The following COL4A2 variants were observed in gnomAD, a reference collection of about 807,000 sequenced individuals.
COL4A2 encodes the protein collagen alpha-2(IV) chain.
A neutral mutation model predicts 200.2 loss-of-function variants in COL4A2; 99 were observed. The observed-to-expected ratio is 0.49, with a 90% CI of 0.42 to 0.58. COL4A2 has a LOEUF of 0.58. COL4A2 is among the 20% of genes least tolerant of loss of function. The pLI is 0.00. For synonymous variants in COL4A2, 897 were observed against 900.6 expected, an observed-to-expected ratio of 1.00 and a Z score of 0.07; for missense variants, 1,950 against 2,314.1, an observed-to-expected ratio of 0.84 and a Z score of 3.23.
At chr13:110,409,383 G>A (rs939867604) in intron 4 of COL4A2, among the ~76,000 whole-genome samples, 2 of 152,168 alleles carry the variant, frequency 1.3e-5, no homozygotes, top group African/African-American at 4.8e-5. Flanking sequence ...GACCCACCCC[G>A]GGTCTCTAGT....
Position 110,450,474 on chromosome 13 carries a change from A to AG in COL4A2, c.1339+23dup, listed in dbSNP as rs1881497817. On this transcript the variant is annotated intron_variant, in intron 20 of 47. Coordinates refer to ENST00000360467, the MANE Select transcript of COL4A2 (RefSeq NM_001846.4). ...CTGATGGTGAGTGGAGGGAAACAAAAGGGAGGGTGTAGCCTAATGTTCAGA... is the reference window on the plus strand; with the variant it reads ...CTGATGGTGAGTGGAGGGAAACAAAAGGGGAGGGTGTAGCCTAATGTTCAGA... 2 of 1,612,974 alleles carry AG rather than the reference A, an allele frequency of 1.2e-6. No homozygotes were observed. Among genetic ancestry groups the AG allele is most frequent in the Non-Finnish European group, 1.7e-6 (2 of 1,179,692 alleles).
chr13:110,393,647 G>A (rs1879076114), intron 4 of COL4A2, among the ~76,000 whole-genome samples: 1 of 151,288 alleles, frequency 6.6e-6, no homozygotes, highest in African/African-American at 2.4e-5. Flanking sequence ...TGGAGGCCAA[G>A]GTGGATGGAT....
chr13:110,374,813 A>G (rs1451617944), intron 4 of COL4A2, among the ~76,000 whole-genome samples: 1 of 152,120 alleles, frequency 6.6e-6, no homozygotes, highest in Non-Finnish European at 1.5e-5. Flanking sequence ...ATACTTCTGT[A>G]GTTTCATTAA....
At chr13:110,333,887 A>G (rs1016765505) in intron 3 of COL4A2, among the ~76,000 whole-genome samples, 3 of 152,224 alleles carry the variant, frequency 2.0e-5, no homozygotes, top group Non-Finnish European at 2.9e-5. Context: ...AATGACCTCA[A>G]GTGACCTTTA....
chr13:110,307,593 G>A lies in COL4A2; in HGVS notation c.-45+65G>A, dbSNP rs1483216903. On this transcript the variant is annotated intron_variant, in intron 1 of 47. Transcript: ENST00000360467. This position sits in a 1 kb window ranked among gnomAD's most constrained non-coding sequence, Gnocchi z 5.0. ...AGAGCACCGACTTGGAGCGCCTTGT[G>A]CAGGCTAGGGCTGCACGCTCTCCTG... 1 of 405,164 alleles carries A rather than the reference G, an allele frequency of 2.5e-6. No homozygotes were observed. The highest frequency in any genetic ancestry group is 2.1e-5 in the African/African-American group (1 of 48,670). The allele number at this position is 405,164 out of a possible 1,614,324, so 25.1% of individuals were successfully genotyped here. A position where few individuals can be genotyped will look rare whatever the true frequency, so the allele number is the denominator to read the frequency against.
intron 3 of COL4A2, among the ~76,000 whole-genome samples, chr13:110,309,486 G>A (rs1047523656): frequency 1.3e-5 from 2 of 152,220 alleles, no homozygotes; most frequent in African/African-American, 4.8e-5. Flanking sequence ...GCGCACGCAC[G>A]CACACTCAAA....
intron 46 of COL4A2, among the ~76,000 whole-genome samples, chr13:110,506,943 T>C (rs1045197447): frequency 6.6e-6 from 1 of 152,160 alleles, no homozygotes; most frequent in African/African-American, 2.4e-5. Context: ...CCAAGTTCTG[T>C]AGACTTGGAG....
rs749501904 is a variant in COL4A2, at chr13:110,424,843, G to A, written c.290G>A (p.Gly97Glu). The change falls in exon 5 of 48, where the codon GGA becomes GAA. Residue 97 changes from glycine to glutamate, a missense_variant. Transcript: ENST00000360467. ...KGDKGERGAP[G>E]VTGPKGDVGA... ...GACAAGGGTGAAAGGGGAGCCCCCG[G>A]AGTAACGGGACCCAAGGGCGACGTG... 90 of 1,614,022 alleles carry A rather than the reference G, an allele frequency of 5.6e-5. No individual in the cohort carries two copies. Among genetic ancestry groups the A allele is most frequent in the Non-Finnish European group, 6.1e-5 (72 of 1,180,020 alleles).
Position 110,493,457 on chromosome 13 carries a change from C to T in COL4A2, c.3634+175C>T, listed in dbSNP as rs1032509683. On this transcript the variant is annotated intron_variant, in intron 39 of 47. Transcript: ENST00000360467. ...CGGGTCCGGGCCCTGTGGTCCTGTA[C>T]GCTGCTAAGATGTGATCCCTAAGAA... Among the ~76,000 whole-genome samples, 9 of 152,312 alleles carry T rather than the reference C, an allele frequency of 5.9e-5. No homozygotes were observed. The East Asian group carries it at 1.4e-3, about 23-fold the overall frequency.
chr13:110,421,444 A>C (rs1880248061), intron 4 of COL4A2, among the ~76,000 whole-genome samples: 1 of 152,244 alleles, frequency 6.6e-6, no homozygotes, highest in African/African-American at 2.4e-5. Flanking sequence ...AATGAACCCC[A>C]AAAACATGAT....
intron 32 of COL4A2, among the ~76,000 whole-genome samples, chr13:110,482,866 A>G (rs1882981181): frequency 6.6e-6 from 1 of 152,230 alleles, no homozygotes; most frequent in Non-Finnish European, 1.5e-5. Flanking sequence ...TAAGGGAATA[A>G]TCCTAACCAA....
Position 110,462,232 on chromosome 13 carries a change from C to T in COL4A2, c.1669+46C>T, listed in dbSNP as rs747956626. On this transcript the variant is annotated intron_variant, in intron 23 of 47. Coordinates refer to ENST00000360467, the MANE Select transcript of COL4A2 (RefSeq NM_001846.4). ...GCGGCCCCTGGGGCACTGAGCCTTCCTGTGGGCACCTGCCTGGGCAGCTTC... is the reference window on the plus strand; with the variant it reads ...GCGGCCCCTGGGGCACTGAGCCTTCTTGTGGGCACCTGCCTGGGCAGCTTC... 8.1e-6 allele frequency: 13 copies of T among 1,614,274 alleles called. No individual in the cohort carries two copies. In the South Asian group the frequency reaches 1.3e-4, roughly 16 times the overall value.
intron 3 of COL4A2, among the ~76,000 whole-genome samples, chr13:110,336,166 T>C (rs1391115867): frequency 2.0e-5 from 3 of 152,204 alleles, no homozygotes; most frequent in Non-Finnish European, 2.9e-5. Flanking sequence ...CTCTAATACA[T>C]TGAAGTAGAG....
At chr13:110,364,183 G>C (rs1388318400) in intron 4 of COL4A2, among the ~76,000 whole-genome samples, 2 of 152,226 alleles carry the variant, frequency 1.3e-5, no homozygotes, top group African/African-American at 4.8e-5. Flanking sequence ...CAAGGAATTA[G>C]TCAGAAATAG....
At chr13:110,409,348 G>A (rs1179390585) in intron 4 of COL4A2, among the ~76,000 whole-genome samples, 1 of 152,184 alleles carries the variant, frequency 6.6e-6, no homozygotes, top group East Asian at 1.9e-4. Context: ...CGCAAAGAAA[G>A]CAAGAATGTA....
chr13:110,365,785 T>C (rs9515195), intron 4 of COL4A2, among the ~76,000 whole-genome samples: 60,944 of 152,022 alleles, frequency 0.4, 12,347 homozygotes, highest in Middle Eastern at 0.56. Flanking sequence ...TGATAGAAAA[T>C]ACATATTTGA....
chr13:110,355,352 GTGT>G (rs199815585), intron 3 of COL4A2, among the ~76,000 whole-genome samples: 9 of 126,092 alleles, frequency 7.1e-5, no homozygotes, highest in South Asian at 4.8e-4. Flanking sequence ...TCACCTGTGT[GTGT>G]GGGGGAGGGC....
intron 45 of COL4A2, among the ~76,000 whole-genome samples, 160 bp downstream of exon 45, chr13:110,504,424 C>T (rs1390846936): frequency 1.3e-5 from 2 of 152,172 alleles, no homozygotes; most frequent in Non-Finnish European, 2.9e-5. Context: ...AGCTACACTC[C>T]TATGCCCAGC....
intron 3 of COL4A2, among the ~76,000 whole-genome samples, 160 bp downstream of exon 3, chr13:110,308,283 C>A (rs1300032800): frequency 1.3e-5 from 2 of 152,198 alleles, no homozygotes; most frequent in Non-Finnish European, 2.9e-5. Context: ...CTTGCTCTTC[C>A]CTCATCATGC....
Sources: gnomAD v4.1 joint callset for allele counts (sites outside exome capture counted in the v4.1 genomes callset) on GRCh38, gnomAD v4.1.1 for gene constraint, Gnocchi (gnomAD v3.1) non-coding constraint, MANE v1.5 for transcripts, NCBI Gene and HGNC (gene_info 2026-07-23, HGNC 2026-07-21) for gene names.